AHRR: variants seen among roughly 807,000 people sequenced by gnomAD.
AHRR encodes aryl hydrocarbon receptor repressor.
In AHRR, 28 loss-of-function variants were observed where a neutral mutation model predicts 44.0. The observed-to-expected ratio is 0.64, with a 90% confidence interval of 0.47 to 0.87. The LOEUF is 0.87. Ranked by LOEUF, AHRR falls within the 40% of genes least tolerant of loss-of-function variation. The pLI, the probability that AHRR is intolerant of heterozygous loss-of-function variation, is 0.00. For missense variants in AHRR, 990 were observed against 953.9 expected, an observed-to-expected ratio of 1.04 and a Z score of -0.50; for synonymous variants, 434 against 407.0, an observed-to-expected ratio of 1.07 and a Z score of -0.80.
At chr5:391,340 C>CGCAGGGCGAGGA in intron 4 of AHRR, among the ~76,000 whole-genome samples, 1 of 99,888 alleles carries the variant, frequency 1.0e-5, no homozygotes, top group South Asian at 3.2e-4. Context: ...CAGGGCGAGG[C>CGCAGGGCGAGGA]GGGCGCAGGG....
rs768549270 is a variant in AHRR at position 427,724 on chromosome 5, C to T, written c.709-83C>T. The T allele has an allele frequency of 1.7e-5, 27 of 1,613,602 alleles. No individual in the cohort carries two copies. The Admixed American group carries it at 2.0e-4, about 12-fold the overall frequency. On this transcript the variant is annotated intron_variant, in intron 7 of 10. Coordinates refer to ENST00000684583, the MANE Select transcript of AHRR (RefSeq NM_001377236.1). ...CCTCCCTACGAATTCCAGCCGCTGT[C>T]GCGCCCTTGAGTTCTGTGTCCTGTG...
intron 5 of AHRR, among the ~76,000 whole-genome samples, chr5:417,188 T>TGA (rs1735863388): frequency 1.7e-5 from 2 of 115,072 alleles, no homozygotes; most frequent in Non-Finnish European, 1.8e-5. Context: ...GCAGGGCCCA[T>TGA]GTCTAGAGAA....
chr5:343,849 G>C, intron 1 of AHRR, 44 bp from the exon 2 acceptor site: 1 of 1,561,246 alleles, frequency 6.4e-7, no homozygotes, highest in African/African-American at 1.4e-5. Context: ...GGAACAGGGC[G>C]CACGTGGCGC....
intron 7 of AHRR, among the ~76,000 whole-genome samples, chr5:425,910 TG>T (rs1401225613): frequency 1.3e-5 from 2 of 152,092 alleles, no homozygotes; most frequent in Non-Finnish European, 2.9e-5. Flanking sequence ...TCACCCTGAG[TG>T]GTGCAGTCTT....
Position 343,951 on chromosome 5 carries a change from C to T in AHRR, c.49C>T (p.Pro17Ser), listed in dbSNP as rs749448540. The T allele has an allele frequency of 6.3e-7, 1 of 1,599,808 alleles. No individual in the cohort carries two copies. Among genetic ancestry groups the T allele is most frequent in the East Asian group, 2.3e-5 (1 of 42,866 alleles). ...GTACGCGGGCCGGAAGCGGAGGAGGCCCCTGCAGAAACAGTAAAGTATCCC... is the reference window on the plus strand; with the variant it reads ...GTACGCGGGCCGGAAGCGGAGGAGGTCCCTGCAGAAACAGTAAAGTATCCC... The part of the protein sequence containing the change: ...CTYAGRKRRR[P>S]LQKQRPAVGA... Residue 17 changes from proline to serine, a missense_variant, in exon 2 of 11, where the codon CCC becomes TCC. Coordinates refer to ENST00000684583, the MANE Select transcript of AHRR (RefSeq NM_001377236.1).
At chr5:431,637 G>GCAGCCCCCAA (rs1451639076) in intron 8 of AHRR, among the ~76,000 whole-genome samples, 2 of 151,546 alleles carry the variant, frequency 1.3e-5, no homozygotes, top group African/African-American at 4.9e-5. Flanking sequence ...GCGGCCCCTA[G>GCAGCCCCCAA]CAGCCCCCAA....
chr5:412,050 G>T (rs537168620), intron 4 of AHRR, among the ~76,000 whole-genome samples: 1 of 152,320 alleles, frequency 6.6e-6, no homozygotes, highest in South Asian at 2.1e-4. Flanking sequence ...GGGCTGCGAG[G>T]CTCGCTGCTC....
chr5:427,589 G>GT, intron 7 of AHRR: 1 of 1,607,010 alleles, frequency 6.2e-7, no homozygotes, highest in East Asian at 2.2e-5. Flanking sequence ...GAAACTGGGA[G>GT]TGGGGGATGG....
intron 5 of AHRR, chr5:421,252 G>T (rs1736099471): frequency 7.2e-6 from 5 of 696,372 alleles, no homozygotes; most frequent in South Asian, 4.5e-5. Flanking sequence ...GTTCAGCCAC[G>T]GAGCGGATGC....
At chr5:361,189 G>A (rs537765719) in intron 3 of AHRR, among the ~76,000 whole-genome samples, 81 of 152,300 alleles carry the variant, frequency 5.3e-4, no homozygotes, top group Non-Finnish European at 1.0e-3. Flanking sequence ...GCAGTGAGCC[G>A]AGATCTTGCC....
intron 3 of AHRR, among the ~76,000 whole-genome samples, chr5:365,789 A>C (rs1743336151): frequency 6.6e-6 from 1 of 152,202 alleles, no homozygotes; most frequent in Middle Eastern, 3.2e-3. Flanking sequence ...TAGAAAATAT[A>C]ACTTATTAAA....
At chr5:393,865 T>C (rs529719090) in intron 4 of AHRR, among the ~76,000 whole-genome samples, 24 of 152,358 alleles carry the variant, frequency 1.6e-4, no homozygotes, top group African/African-American at 5.5e-4. Context: ...CTCCAACTCC[T>C]GACCTTAAGT....
intron 3 of AHRR, among the ~76,000 whole-genome samples, chr5:362,242 A>C (rs536404352): frequency 6.6e-6 from 1 of 152,344 alleles, no homozygotes; most frequent in Non-Finnish European, 1.5e-5. Context: ...CCAAGAAGAG[A>C]GCCCTCACCA....
At chr5:389,152 C>T (rs890522127) in intron 4 of AHRR, among the ~76,000 whole-genome samples, 22 of 47,810 alleles carry the variant, frequency 4.6e-4, no homozygotes, top group Non-Finnish European at 4.4e-4. Flanking sequence ...GATGCCCTGG[C>T]GGAGGGGAGC....
chr5:421,476 C>T (rs1736116497), intron 5 of AHRR: 2 of 492,516 alleles, frequency 4.1e-6, no homozygotes, highest in Admixed American at 3.9e-5. Context: ...GGGTGGGGTC[C>T]CGCGGGGTGT....
At chr5:373,160 CAG>C (rs928179602) in intron 3 of AHRR, among the ~76,000 whole-genome samples, 17 of 152,368 alleles carry the variant, frequency 1.1e-4, no homozygotes, top group South Asian at 2.1e-4. Context: ...TGGCAGGACA[CAG>C]GGGTTGCCCA....
Position 323,668 on chromosome 5 carries a change from G to A in AHRR, c.-11+1849G>A, listed in dbSNP as rs375716223. Among the ~76,000 whole-genome samples the A allele has an allele frequency of 2.1e-3, 318 of 152,312 alleles. 1 individual carries two copies. The highest frequency in any genetic ancestry group is 4.1e-3 in the Non-Finnish European group (278 of 68,024). On this transcript the variant is annotated intron_variant, in intron 1 of 10. Transcript: ENST00000684583. ...TCTTCCCACCTCGTTCACCCGTGCT[G>A]GGTGCTGAGACGCCGGGGGAGGGGG...
chr5:354,983 C>T (rs1413932002), intron 3 of AHRR, among the ~76,000 whole-genome samples: 6 of 152,248 alleles, frequency 3.9e-5, no homozygotes, highest in African/African-American at 7.2e-5. Context: ...CCCCGGGTCC[C>T]GGCTGGCCGC....
intron 7 of AHRR, among the ~76,000 whole-genome samples, chr5:427,454 GC>G (rs1228768879): frequency 6.6e-6 from 1 of 152,250 alleles, no homozygotes; most frequent in Non-Finnish European, 1.5e-5. Flanking sequence ...TTTGCCGCTG[GC>G]CCGGCTGTGG....
Sources: allele counts gnomAD v4.1 joint callset (sites outside exome capture counted in the v4.1 genomes callset), GRCh38; gene constraint gnomAD v4.1.1; transcripts MANE v1.5; gene names NCBI Gene and HGNC (gene_info 2026-07-23, HGNC 2026-07-21).